Variants in DCHS1 observed in about 807,000 individuals in gnomAD.
DCHS1 encodes protocadherin-16.
DCHS1 carries 78 observed loss-of-function variants against 213.9 expected under a neutral mutation model. That is an observed-to-expected ratio of 0.36 (90% confidence interval 0.30 to 0.44). DCHS1 has a LOEUF of 0.44. Among genes scored for constraint, DCHS1 ranks in the 20% least tolerant of loss-of-function variants. The probability of loss-of-function intolerance (pLI) is 1.00; values close to 1 mark genes in which losing one functional copy is unlikely to be tolerated. For synonymous variants in DCHS1, 1,828 were observed against 1,873.7 expected (o/e 0.98, Z 0.63); for missense variants, 3,946 against 4,395.9 (o/e 0.90, Z 2.89).
chr11:6,626,700 C>G lies in DCHS1; in HGVS notation c.6251-35G>C, dbSNP rs34782445. 1.2e-3 allele frequency: 2,009 copies of G among 1,612,704 alleles called. 23 individuals are homozygous for G. In the African/African-American group the frequency reaches 0.023, roughly 18 times the overall value. On this transcript the variant is annotated intron_variant, in intron 14 of 20. Transcript: ENST00000299441. This position sits in a 1 kb window ranked among gnomAD's most constrained non-coding sequence, Gnocchi z 5.2. ...GAACGGTATTGTTGGACTGTGAGCG[C>G]GAGACTGGGAGAGTTTGGGGGACAT...
chr11:6,654,685 T>G (rs1856289429), intron 1 of DCHS1, among the ~76,000 whole-genome samples: 1 of 152,128 alleles, frequency 6.6e-6, no homozygotes, highest in Non-Finnish European at 1.5e-5. Flanking sequence ...AGGGTATCTC[T>G]TGAGGATGTG....
In DCHS1 at chr11:6,627,472, G is replaced by A. The variant is rs111515657; in HGVS notation, c.5567C>T (p.Pro1856Leu). Residue 1856 changes from proline to leucine, a missense_variant, in exon 14 of 21, where the codon CCT becomes CTT. Pro to Leu is a moderately conservative substitution (Grantham distance 98, BLOSUM62 -3). This residue lies in a region of DCHS1 where 3,384 missense variants were observed against 3,780.1 expected (regional missense o/e 0.90). Coordinates refer to ENST00000299441, the MANE Select transcript of DCHS1 (RefSeq NM_003737.4). This position sits in a 1 kb window ranked among gnomAD's most constrained non-coding sequence, Gnocchi z 5.4. Reference protein sequence around the residue: ...LDANDHAPAFPVPAYSVEVPE... With the variant: ...LDANDHAPAFLVPAYSVEVPE... ...CACCTCCACCGAGTAGGCAGGCACA[G>A]GAAAGGCTGGAGCATGGTCATTGGC... 6.2e-7 allele frequency: 1 copy of A among 1,611,318 alleles called. No homozygotes were observed. Among genetic ancestry groups the A allele is most frequent in the African/African-American group, 1.3e-5 (1 of 74,978 alleles).
intron 2 of DCHS1, chr11:6,635,139 G>A (rs1225716880): frequency 6.6e-6 from 1 of 152,166 alleles, no homozygotes; most frequent in Non-Finnish European, 1.5e-5. Flanking sequence ...TGATTTATAG[G>A]TTTGATCTTT....
Position 6,641,332 on chromosome 11 carries a change from A to G in DCHS1, c.282T>C (p.Ile94=), listed in dbSNP as rs559488102. ...TACGGACGACCCCACTGTGTTCGTC[A>G]ATGGCCAGGTCTGTGCCCACGCCGC... ...EGSGVGTDLA[I]DEHSGVVRTA... is the part of the protein sequence containing the mutation. The change falls in exon 2 of 21, where the codon ATT becomes ATC. Residue 94 remains isoleucine (I), a synonymous_variant. Transcript: ENST00000299441. This position sits in a 1 kb window ranked among gnomAD's most constrained non-coding sequence, Gnocchi z 7.1. 4 of 1,613,642 alleles carry G rather than the reference A, an allele frequency of 2.5e-6. No homozygotes were observed. In the East Asian group the frequency reaches 8.9e-5, roughly 36 times the overall value.
Position 6,625,471 on chromosome 11 carries a change from C to T in DCHS1, c.6873G>A (p.Leu2291=). 1 of 1,603,414 alleles carries T rather than the reference C, an allele frequency of 6.2e-7. No homozygotes were observed. Among genetic ancestry groups the T allele is most frequent in the South Asian group, 1.1e-5 (1 of 90,336 alleles). ...CTGTTACCTGTGCAATCTCTGAGCC[C>T]AATAACGCATCTGGAATACATGAGA... ...WELRVSEDAL[L]GSEIAQVTGN... Residue 2291 remains leucine (L), a synonymous_variant, in exon 19 of 21, where the codon TTG becomes TTA. Coordinates refer to ENST00000299441, the MANE Select transcript of DCHS1 (RefSeq NM_003737.4). This position sits in a 1 kb window ranked among gnomAD's most constrained non-coding sequence, Gnocchi z 5.3.
At chr11:6,633,339 C>T in intron 5 of DCHS1, 73 bp downstream of exon 5, 6 of 1,436,764 alleles carry the variant, frequency 4.2e-6, no homozygotes, top group Non-Finnish European at 5.7e-6. Context: ...TCTAAGGTAT[C>T]TTCGGATGGT....
intron 1 of DCHS1, among the ~76,000 whole-genome samples, chr11:6,647,299 T>C (rs1856175957): frequency 6.6e-6 from 1 of 151,788 alleles, no homozygotes; most frequent in South Asian, 2.1e-4. Flanking sequence ...GGAGGTGAGT[T>C]GAGGCAGGAA....
chr11:6,630,985 T>G, intron 9 of DCHS1, 68 bp downstream of exon 9: 1 of 1,537,576 alleles, frequency 6.5e-7, no homozygotes, highest in South Asian at 1.3e-5. Flanking sequence ...AGCCAAAGGA[T>G]TCCCGTGAAG....
At position 6,624,336 on chromosome 11, in the gene DCHS1, G is replaced by A; in HGVS notation, c.7340C>T (p.Ala2447Val). Reference sequence around the variant, plus strand: ...TCGTGCTTCCAGCACCACATCCACTGCTCCTGACCCGTCATGGCCCAAGGC... The same window carrying A: ...TCGTGCTTCCAGCACCACATCCACTACTCCTGACCCGTCATGGCCCAAGGC... ...TVALGHDGSG[A>V]VDVVLEARDH... The change falls in exon 21 of 21, where the codon GCA (alanine) becomes GTA (valine). Residue 2447 changes from alanine (A) to valine (V), a missense_variant. Physicochemically the swap from Ala to Val is moderately conservative, Grantham distance 64. This residue lies in a region of DCHS1 where 3,384 missense variants were observed against 3,780.1 expected (regional missense o/e 0.90). Transcript: ENST00000299441. 6.3e-7 allele frequency: 1 copy of A among 1,582,358 alleles called. No individual in the cohort carries two copies. Among genetic ancestry groups the A allele is most frequent in the Non-Finnish European group, 8.6e-7 (1 of 1,164,706 alleles).
Position 6,625,729 on chromosome 11 carries a change from T to G in DCHS1, c.6732-2A>C. 1 of 1,602,010 alleles carries G rather than the reference T, an allele frequency of 6.2e-7. No individual in the cohort carries two copies. The highest frequency in any genetic ancestry group is 8.5e-7 in the Non-Finnish European group (1 of 1,174,380). On this transcript the variant is annotated splice_acceptor_variant, in intron 17 of 20. Transcript: ENST00000299441. LOFTEE classifies it high-confidence loss of function. The surrounding 1 kb of genome is among the most constrained non-coding windows in gnomAD (Gnocchi z 5.3). ...CTGTCTGTGGCCATCAGCACCAACCTGGACACAAAGCACAATCATCGGGTG... is the reference window on the plus strand; with the variant it reads ...CTGTCTGTGGCCATCAGCACCAACCGGGACACAAAGCACAATCATCGGGTG...
chr11:6,645,042 C>T (rs1256162554), intron 1 of DCHS1, among the ~76,000 whole-genome samples: 2 of 152,178 alleles, frequency 1.3e-5, no homozygotes, highest in Admixed American at 6.5e-5. Context: ...TGTCCGTAAT[C>T]TGTAAAATGG....
chr11:6,634,396 G>C, intron 2 of DCHS1, 90 bp from the exon 3 acceptor site: 2 of 1,409,132 alleles, frequency 1.4e-6, no homozygotes, highest in East Asian at 4.7e-5. Flanking sequence ...CTGGTGCTAA[G>C]TCTCTGGATG....
chr11:6,634,398 C>T, intron 2 of DCHS1, 92 bp from the exon 3 acceptor site: 5 of 1,398,012 alleles, frequency 3.6e-6, no homozygotes, highest in Non-Finnish European at 4.8e-6. Flanking sequence ...GGTGCTAAGT[C>T]TCTGGATGGC....
At chr11:6,645,121 G>A (rs1431115416) in intron 1 of DCHS1, among the ~76,000 whole-genome samples, 2 of 152,194 alleles carry the variant, frequency 1.3e-5, no homozygotes, top group African/African-American at 4.8e-5. Flanking sequence ...ACACAGAGCT[G>A]GGTATTTGCT....
In DCHS1 at chr11:6,630,517, A is replaced by C. The variant is rs1319341840; in HGVS notation, c.4277T>G (p.Val1426Gly). The part of the protein sequence containing the change: ...GARLLRVQVQ[V>G]QDENEHAPAF... The stretch of plus-strand genomic sequence containing the variant: ...GGGCGCATGCTCATTCTCGTCCTGC[A>C]CTTGCACCTGCACTCGCAGCAGCCG... The change falls in exon 10 of 21, where the codon GTG becomes GGG. Residue 1426 changes from valine to glycine, a missense_variant. Physicochemically the swap from Val to Gly is moderately radical, Grantham distance 109 (BLOSUM62 -3). Around this residue, in one of 3 missense-constraint regions of DCHS1, gnomAD observed 3,384 missense variants for 3,780.1 expected, o/e 0.90. Coordinates refer to ENST00000299441, the MANE Select transcript of DCHS1 (RefSeq NM_003737.4). 2 of 1,539,058 alleles carry C rather than the reference A, an allele frequency of 1.3e-6. No individual in the cohort carries two copies. The highest frequency in any genetic ancestry group is 1.7e-6 in the Non-Finnish European group (2 of 1,149,464).
intron 2 of DCHS1, among the ~76,000 whole-genome samples, chr11:6,638,279 C>A (rs1429700303): frequency 6.6e-6 from 1 of 152,216 alleles, no homozygotes; most frequent in Non-Finnish European, 1.5e-5. Flanking sequence ...AAGAGGACTC[C>A]CTGCCCACTG....
Position 6,626,288 on chromosome 11 carries a change from C to T in DCHS1, c.6457G>A (p.Ala2153Thr). The change falls in exon 16 of 21, where the codon GCC becomes ACC. Residue 2153 changes from alanine to threonine, a missense_variant. By Grantham distance (58) the Ala-to-Thr change is moderately conservative. Transcript: ENST00000299441. The surrounding 1 kb of genome is among the most constrained non-coding windows in gnomAD (Gnocchi z 5.2). The stretch of plus-strand genomic sequence containing the variant: ...AGGGTCAGGGTCAGCACAGTGAAGG[C>T]AAAGGCTCCTCCACTCTCTGCCTGC... ...VLQAESGGAF[A>T]FTVLTLTLQD... The T allele has an allele frequency of 6.2e-7, 1 of 1,613,282 alleles. No homozygotes were observed. The highest frequency in any genetic ancestry group is 1.1e-5 in the South Asian group (1 of 90,856).
chr11:6,624,583 G>A, intron 20 of DCHS1, 147 bp downstream of exon 20: 1 of 1,361,356 alleles, frequency 7.3e-7, no homozygotes, highest in South Asian at 1.4e-5. Flanking sequence ...TCAACAAGGG[G>A]CTTATAATGA....
Position 6,626,796 on chromosome 11 carries a change from C to T in DCHS1, c.6243G>A (p.Ala2081=), listed in dbSNP as rs376321689. 5.5e-5 allele frequency: 88 copies of T among 1,611,520 alleles called. No homozygotes were observed. The highest frequency in any genetic ancestry group is 7.0e-5 in the Non-Finnish European group (82 of 1,179,218). ...ASSEATIREN[A]PPGTPIVSPR... ...AAATGGCTGGGGACCCACCTGGGGG[C>T]GCATTCTCACGAATCGTAGCCTCAC... The change falls in exon 14 of 21, where the codon GCG becomes GCA. Residue 2081 remains alanine, a synonymous_variant. Coordinates refer to ENST00000299441, the MANE Select transcript of DCHS1 (RefSeq NM_003737.4). The surrounding 1 kb of genome is among the most constrained non-coding windows in gnomAD (Gnocchi z 5.2).
Sources: gnomAD v4.1 joint callset for allele counts (sites outside exome capture counted in the v4.1 genomes callset) on GRCh38, gnomAD v4.1.1 for gene constraint, gnomAD v4.1.1 regional missense constraint, Gnocchi (gnomAD v3.1) non-coding constraint, MANE v1.5 for transcripts, NCBI Gene and HGNC (gene_info 2026-07-23, HGNC 2026-07-21) for gene names.